The following KTN1 variants were observed in gnomAD, a reference collection of about 807,000 sequenced individuals.
KTN1 encodes the protein kinectin 1.
In KTN1, 130 loss-of-function variants were observed where a neutral mutation model predicts 222.5. The observed-to-expected ratio is 0.58, with a 90% CI of 0.51 to 0.68. The LOEUF (loss-of-function observed/expected upper bound fraction) is 0.68, where lower values mean the gene tolerates loss of function less well. Ranked by LOEUF, KTN1 falls within the 30% of genes least tolerant of loss-of-function variation. The pLI is 0.00. For synonymous variants in KTN1, 512 were observed against 496.3 expected (o/e 1.03, Z -0.42); for missense variants, 1,508 against 1,500.4 (o/e 1.01, Z -0.08).
At chr14:55,587,931 A>G (rs992805419) in intron 1 of KTN1, among the ~76,000 whole-genome samples, 3 of 152,122 alleles carry the variant, frequency 2.0e-5, no homozygotes, top group African/African-American at 2.4e-5. Flanking sequence ...CTTTTAGTCT[A>G]AATAATTGGA....
chr14:55,637,582 A>G (rs1209193424), intron 11 of KTN1, among the ~76,000 whole-genome samples, 197 bp from the exon 12 acceptor site: 1 of 151,722 alleles, frequency 6.6e-6, no homozygotes, highest in Non-Finnish European at 1.5e-5. Context: ...AATAGCACAA[A>G]CATATCTTTA....
rs116177273 is a variant in KTN1 at position 55,615,392 on chromosome 14, C to A, written c.524-1125C>A. On this transcript the variant is annotated intron_variant, in intron 2 of 43. Transcript: ENST00000395314. ...CTTTTCCCCCGTCCCTCCCCCTTCC[C>A]CCATATCTTGACAATTACCCTTCTA... Among the ~76,000 whole-genome samples the A allele has an allele frequency of 5.6e-3, 844 of 151,984 alleles. 4 individuals carry two copies. The highest frequency in any genetic ancestry group is 0.02 in the African/African-American group (813 of 41,376).
At chr14:55,622,992 T>A (rs913455153) in intron 5 of KTN1, among the ~76,000 whole-genome samples, 1 of 152,218 alleles carries the variant, frequency 6.6e-6, no homozygotes, top group East Asian at 1.9e-4. Flanking sequence ...TTGTTTCTTC[T>A]GTCTGTCCTA....
intron 15 of KTN1, among the ~76,000 whole-genome samples, chr14:55,640,709 A>G (rs561977809): frequency 6.6e-6 from 1 of 151,922 alleles, no homozygotes; most frequent in East Asian, 1.9e-4. Context: ...CATTTAATTC[A>G]AAAAGGATAT....
chr14:55,600,855 G>A (rs1457275632), intron 1 of KTN1, among the ~76,000 whole-genome samples: 1 of 151,964 alleles, frequency 6.6e-6, no homozygotes, highest in Non-Finnish European at 1.5e-5. Flanking sequence ...AAAGCTTTCA[G>A]TTTGTCTAAT....
chr14:55,619,150 A>G (rs767721992), intron 4 of KTN1, 32 bp from the exon 5 acceptor site: 8 of 1,561,814 alleles, frequency 5.1e-6, no homozygotes, highest in Non-Finnish European at 7.0e-6. Flanking sequence ...TTAAATGCCA[A>G]CTCTTTGTTT....
intron 40 of KTN1, chr14:55,673,507 GT>G (rs2045629414): frequency 6.7e-6 from 2 of 297,420 alleles, no homozygotes; most frequent in Non-Finnish European, 1.2e-5. Context: ...AATTTTCCAT[GT>G]TTTATAAATC....
chr14:55,669,674 G>A (rs1482061626), intron 34 of KTN1, among the ~76,000 whole-genome samples: 1 of 151,888 alleles, frequency 6.6e-6, no homozygotes, highest in African/African-American at 2.4e-5. Context: ...TTTATGTTGG[G>A]TACCAATAGT....
intron 1 of KTN1, among the ~76,000 whole-genome samples, chr14:55,608,955 T>TG (rs1168116024): frequency 1.3e-5 from 2 of 152,154 alleles, no homozygotes; most frequent in Non-Finnish European, 2.9e-5. Context: ...ATATGTTTTT[T>TG]TCTTGCAAAT....
Position 55,640,004 on chromosome 14 carries a change from G to T in KTN1, c.1914+1G>T. On this transcript the variant is annotated splice_donor_variant, in intron 14 of 43. Coordinates refer to ENST00000395314, the MANE Select transcript of KTN1 (RefSeq NM_001079521.2). LOFTEE classifies it high-confidence loss of function. Reference sequence around the variant, plus strand: ...AACAAGTAAAGAAGAGGAACTTAAGGTATAGTAATTTGTATAAATGGCTGC... The same window carrying T: ...AACAAGTAAAGAAGAGGAACTTAAGTTATAGTAATTTGTATAAATGGCTGC... 1.3e-6 allele frequency: 2 copies of T among 1,554,020 alleles called. No homozygotes were observed. The highest frequency in any genetic ancestry group is 1.8e-6 in the Non-Finnish European group (2 of 1,127,866).
chr14:55,660,630 A>G (rs2044030061), intron 31 of KTN1, among the ~76,000 whole-genome samples: 1 of 152,064 alleles, frequency 6.6e-6, no homozygotes, highest in African/African-American at 2.4e-5. Flanking sequence ...CTTGTGTACT[A>G]GGTTAGAATT....
chr14:55,644,169 G>GTGT, intron 18 of KTN1: 1 of 421,878 alleles, frequency 2.4e-6, no homozygotes, highest in Non-Finnish European at 4.2e-6. Context: ...TCCTCTAGTC[G>GTGT]TTTTTATTGT....
chr14:55,613,607 C>T (rs2037922065), intron 2 of KTN1, among the ~76,000 whole-genome samples: 1 of 141,344 alleles, frequency 7.1e-6, no homozygotes, highest in Non-Finnish European at 1.6e-5. Context: ...GATTCTCCTG[C>T]CTCAGCCTCC....
At chr14:55,588,080 G>A (rs886873640) in intron 1 of KTN1, among the ~76,000 whole-genome samples, 2 of 152,110 alleles carry the variant, frequency 1.3e-5, no homozygotes, top group Non-Finnish European at 2.9e-5. Context: ...TATAACTTTT[G>A]ACTCTCCAGA....
chr14:55,659,310 T>G lies in KTN1; in HGVS notation c.2962-356T>G, dbSNP rs1462933411. On this transcript the variant is annotated intron_variant, in intron 30 of 43. Transcript: ENST00000395314. ...CCTAGTTTTGCTTTTGATTTCTGTT[T>G]TTTTTTTTTTTTTTTAACTTGGAAG... 4.1e-3 allele frequency among the ~76,000 whole-genome samples: 617 copies of G among 150,556 alleles called. 6 individuals carry two copies. Among genetic ancestry groups the G allele is most frequent in the African/African-American group, 0.014 (587 of 41,302 alleles).
In KTN1 at chr14:55,649,756, G is replaced by A; in HGVS notation, c.2368-20G>A. On this transcript the variant is annotated intron_variant, in intron 21 of 43. Coordinates refer to ENST00000395314, the MANE Select transcript of KTN1 (RefSeq NM_001079521.2). ...TCTATTTTGAACAAATTACTAAGTA[G>A]GATACTTTCCTATTTCCAGGTTTCT... The A allele has an allele frequency of 7.1e-7, 1 of 1,415,724 alleles. No homozygotes were observed. The highest frequency in any genetic ancestry group is 9.8e-7 in the Non-Finnish European group (1 of 1,016,278). The allele number at this position is 1,415,724 out of a possible 1,614,324, so 87.7% of individuals were successfully genotyped here.
intron 11 of KTN1, 60 bp from the exon 12 acceptor site, chr14:55,637,719 C>T (rs2041303483): frequency 8.5e-7 from 1 of 1,175,834 alleles, no homozygotes; most frequent in Non-Finnish European, 1.2e-6. Flanking sequence ...ACATTGTGTT[C>T]ATATACATGG....
At chr14:55,627,635 C>T (rs913991783) in intron 5 of KTN1, among the ~76,000 whole-genome samples, 3 of 152,028 alleles carry the variant, frequency 2.0e-5, no homozygotes, top group Non-Finnish European at 4.4e-5. Flanking sequence ...GCATGTTGCC[C>T]TTCCTGTGTC....
In KTN1 at chr14:55,640,431, G is replaced by A; in HGVS notation, c.1972G>A (p.Ala658Thr). 6.2e-7 allele frequency: 1 copy of A among 1,605,968 alleles called. No homozygotes were observed. ...TGAAGTGCAGAAATTACAGGCCCTG[G>A]CAAATGAGCAGGTAGATCTTTATTG... ...KAEVQKLQALANEQAAAAHEL... is the reference protein window; with the variant it reads ...KAEVQKLQALTNEQAAAAHEL... The change falls in exon 15 of 44, where the codon GCA (alanine) becomes ACA (threonine). Residue 658 changes from alanine (A) to threonine (T), a missense_variant. By Grantham distance (58) the Ala-to-Thr change is moderately conservative. Transcript: ENST00000395314.
Sources: gnomAD v4.1 joint callset for allele counts (sites outside exome capture counted in the v4.1 genomes callset) on GRCh38, gnomAD v4.1.1 for gene constraint, MANE v1.5 for transcripts, NCBI Gene and HGNC (gene_info 2026-07-23, HGNC 2026-07-21) for gene names.